OSBPL2: variants seen among roughly 807,000 people sequenced by gnomAD.
OSBPL2 encodes oxysterol binding protein like 2, also known as oxysterol-binding protein-related protein 2.
In OSBPL2, 18 loss-of-function variants were observed where a neutral mutation model predicts 58.4. The ratio of observed to expected loss-of-function variants is 0.31; its 90% CI spans 0.21 to 0.46. OSBPL2 has a LOEUF of 0.46. OSBPL2 is among the 20% of genes least tolerant of loss of function. The pLI, the probability that OSBPL2 is intolerant of heterozygous loss-of-function variation, is 1.00. For missense variants in OSBPL2, 461 were observed against 616.5 expected, an observed-to-expected ratio of 0.75 and a Z score of 2.67; for synonymous variants, 221 against 234.1, an observed-to-expected ratio of 0.94 and a Z score of 0.51.
At chr20:62,266,384 G>GA (rs1034854934) in intron 4 of OSBPL2, among the ~76,000 whole-genome samples, 9 of 152,294 alleles carry the variant, frequency 5.9e-5, no homozygotes, top group African/African-American at 2.2e-4. Context: ...AGCTTGTATT[G>GA]AAAAAACACA....
intron 2 of OSBPL2, among the ~76,000 whole-genome samples, chr20:62,257,276 C>A (rs997953452): frequency 1.3e-5 from 2 of 152,104 alleles, no homozygotes; most frequent in African/African-American, 4.8e-5. Context: ...GGTCCGTGGC[C>A]CTGCTGGAGC....
chr20:62,281,201 C>T (rs1568848271), intron 8 of OSBPL2, 36 bp downstream of exon 8: 4 of 1,497,646 alleles, frequency 2.7e-6, no homozygotes, highest in South Asian at 1.1e-5. Flanking sequence ...GAGCGCGAGG[C>T]TCCGGGTGGG....
chr20:62,262,811 G>T (rs752276602), intron 3 of OSBPL2, among the ~76,000 whole-genome samples: 30 of 152,202 alleles, frequency 2.0e-4, no homozygotes, highest in Non-Finnish European at 4.0e-4. Flanking sequence ...CAGCTTCCAT[G>T]AAATGGGAGT....
At chr20:62,244,084 A>C (rs1979923976) in intron 1 of OSBPL2, among the ~76,000 whole-genome samples, 3 of 152,060 alleles carry the variant, frequency 2.0e-5, no homozygotes, top group Non-Finnish European at 4.4e-5. Flanking sequence ...ACAGAGAAGG[A>C]GGCGGCCAGA....
At chr20:62,278,173 G>A (rs1982507450) in intron 6 of OSBPL2, 1 of 175,818 alleles carries the variant, frequency 5.7e-6, no homozygotes, top group South Asian at 8.7e-5. Flanking sequence ...ATGTGCTCTG[G>A]AAGCCATGTG....
chr20:62,252,177 C>T (rs1980600226), intron 1 of OSBPL2, among the ~76,000 whole-genome samples: 2 of 151,034 alleles, frequency 1.3e-5, no homozygotes, highest in Admixed American at 1.3e-4. Context: ...AACCACTGCA[C>T]CTGGCCAGTA....
In OSBPL2 at chr20:62,294,538, C is replaced by G. The variant is rs1983736721; in HGVS notation, c.*651C>G. 6.5e-6 allele frequency: 1 copy of G among 152,912 alleles called. No homozygotes were observed. Among genetic ancestry groups the G allele is most frequent in the East Asian group, 1.9e-4 (1 of 5,202 alleles). 9.5% of individuals were successfully genotyped at this position (152,912 alleles called of 1,614,324 possible). On this transcript the variant is annotated 3_prime_UTR_variant, in exon 14 of 14. Coordinates refer to ENST00000313733, the MANE Select transcript of OSBPL2 (RefSeq NM_144498.4). ...TGAAGAGCAAGATATGCATTAATCA[C>G]CGGTTTTATACTGTCCAAAATGAAG...
intron 8 of OSBPL2, chr20:62,281,506 G>A (rs1982780316): frequency 2.0e-6 from 1 of 500,908 alleles, no homozygotes; most frequent in Non-Finnish European, 3.6e-6. Flanking sequence ...CTCATGACTG[G>A]TGGGCTTTGC....
rs1035410725 is a variant in OSBPL2, at chr20:62,288,705, C to A, written c.1126-502C>A. Reference sequence around the variant, plus strand: ...GAGCCAGAAGTCAGGCAGAGCAAGGCTCTGGGAGTCCTGGGCACGGGGGGA... The same window carrying A: ...GAGCCAGAAGTCAGGCAGAGCAAGGATCTGGGAGTCCTGGGCACGGGGGGA... On this transcript the variant is annotated intron_variant, in intron 11 of 13. Transcript: ENST00000313733. This position sits in a 1 kb window ranked among gnomAD's most constrained non-coding sequence, Gnocchi z 4.8. Among the ~76,000 whole-genome samples the A allele has an allele frequency of 1.3e-5, 2 of 152,168 alleles. No homozygotes were observed. Among genetic ancestry groups the A allele is most frequent in the Admixed American group, 1.3e-4 (2 of 15,278 alleles).
intron 1 of OSBPL2, 122 bp from the exon 2 acceptor site, chr20:62,255,935 T>G (rs950761695): frequency 4.5e-6 from 2 of 444,684 alleles, no homozygotes; most frequent in African/African-American, 4.1e-5. Flanking sequence ...TGATAATTTA[T>G]TTTACTAATT....
At position 62,281,825 on chromosome 20, in the gene OSBPL2, G is replaced by A; in HGVS notation, c.818G>A (p.Cys273Tyr). The A allele has an allele frequency of 6.2e-7, 1 of 1,612,620 alleles. No individual in the cohort carries two copies. Residue 273 changes from cysteine to tyrosine, a missense_variant, in exon 9 of 14, where the codon TGT (cysteine) becomes TAT (tyrosine). By Grantham distance (194) the Cys-to-Tyr change is radical (BLOSUM62 -2). This residue lies in a region of OSBPL2 where 319 missense variants were observed against 419.2 expected (regional missense o/e 0.76). Transcript: ENST00000313733. ...GHKCVLHFKP[C>Y]GLFGKELHKV... ...AAGTGTGTGCTTCACTTTAAACCGT[G>A]TGGATTATTTGGAAAAGAACTTCAC...
chr20:62,293,281 A>T (rs1003781989), intron 13 of OSBPL2, among the ~76,000 whole-genome samples: 26 of 152,100 alleles, frequency 1.7e-4, no homozygotes, highest in African/African-American at 5.8e-4. Flanking sequence ...CCCAACACTA[A>T]GGACACCCCT....
chr20:62,268,160 G>A (rs942265529), intron 4 of OSBPL2, among the ~76,000 whole-genome samples: 1 of 149,650 alleles, frequency 6.7e-6, no homozygotes, highest in Admixed American at 6.8e-5. Context: ...GCCTCCCAAA[G>A]TGTTGGGATT....
intron 1 of OSBPL2, among the ~76,000 whole-genome samples, chr20:62,254,012 G>A (rs2145924902): frequency 6.6e-6 from 1 of 152,210 alleles, no homozygotes; most frequent in Non-Finnish European, 1.5e-5. Context: ...TGGCCAGGCT[G>A]GTCTGGAACT....
chr20:62,272,298 A>G, intron 5 of OSBPL2, 39 bp downstream of exon 5: 1 of 1,604,202 alleles, frequency 6.2e-7, no homozygotes, highest in Non-Finnish European at 8.5e-7. Flanking sequence ...TTGTCATGAA[A>G]GTGATGCCCC....
intron 2 of OSBPL2, among the ~76,000 whole-genome samples, chr20:62,256,510 G>T (rs1329296612): frequency 6.6e-6 from 1 of 152,210 alleles, no homozygotes; most frequent in Non-Finnish European, 1.5e-5. Context: ...TCTGCTTCAT[G>T]ATGAGAACGT....
In OSBPL2 at chr20:62,288,057, C is replaced by G. The variant is rs1292486834; in HGVS notation, c.1126-1150C>G. Reference sequence around the variant, plus strand: ...TAGGGGTGGGGGTGTCTAGGGATTGCGTTTGGGCGGAGGGGACAGTCAGGG... The same window carrying G: ...TAGGGGTGGGGGTGTCTAGGGATTGGGTTTGGGCGGAGGGGACAGTCAGGG... On this transcript the variant is annotated intron_variant, in intron 11 of 13. Coordinates refer to ENST00000313733, the MANE Select transcript of OSBPL2 (RefSeq NM_144498.4). This position sits in a 1 kb window ranked among gnomAD's most constrained non-coding sequence, Gnocchi z 4.8. Among the ~76,000 whole-genome samples, 1 of 151,698 alleles carries G rather than the reference C, an allele frequency of 6.6e-6. No homozygotes were observed. The highest frequency in any genetic ancestry group is 2.4e-5 in the African/African-American group (1 of 41,268).
chr20:62,256,128 T>C lies in OSBPL2; in HGVS notation c.-57T>C, dbSNP rs369059179. 6.3e-6 allele frequency: 10 copies of C among 1,579,444 alleles called. No individual in the cohort carries two copies. Among genetic ancestry groups the C allele is most frequent in the African/African-American group, 4.0e-5 (3 of 74,208 alleles). ...CCTTACACTGTAGATGTGGATCAGA[T>C]ACGATGATTCAGTAGAAGAGCACAT... On this transcript the variant is annotated 5_prime_UTR_variant, in exon 2 of 14. Coordinates refer to ENST00000313733, the MANE Select transcript of OSBPL2 (RefSeq NM_144498.4).
intron 13 of OSBPL2, among the ~76,000 whole-genome samples, chr20:62,293,296 C>A (rs956817260): frequency 6.6e-6 from 1 of 152,218 alleles, no homozygotes; most frequent in Non-Finnish European, 1.5e-5. Context: ...ACCCCTCGGG[C>A]CCTGAGTGCC....
Sources: allele counts gnomAD v4.1 joint callset (sites outside exome capture counted in the v4.1 genomes callset), GRCh38; gene constraint gnomAD v4.1.1; regional missense constraint gnomAD v4.1.1; non-coding constraint Gnocchi (gnomAD v3.1); transcripts MANE v1.5; gene names NCBI Gene and HGNC (gene_info 2026-07-23, HGNC 2026-07-21).